The following YWHAE variants were observed in gnomAD, a reference collection of about 807,000 sequenced individuals.
YWHAE encodes the protein tyrosine 3-monooxygenase/tryptophan 5-monooxygenase activation protein epsilon.
YWHAE carries 4 observed loss-of-function variants against 30.1 expected under a neutral mutation model. The ratio of observed to expected loss-of-function variants is 0.13; its 90% CI spans 0.07 to 0.30. The LOEUF is 0.30. Ranked by LOEUF, YWHAE falls within the 10% of genes least tolerant of loss-of-function variation. YWHAE has a pLI of 1.00. For missense variants in YWHAE, 121 were observed against 315.9 expected (o/e 0.38, Z 4.68); for synonymous variants, 118 against 111.8 (o/e 1.06, Z -0.35).
At chr17:1,399,608 T>C in intron 1 of YWHAE, 1 of 204,352 alleles carries the variant, frequency 4.9e-6, no homozygotes, top group South Asian at 7.0e-5. Flanking sequence ...GCGCTACAGC[T>C]CCCGGTCTTC....
At chr17:1,374,273 G>A (rs1037416135) in intron 1 of YWHAE, among the ~76,000 whole-genome samples, 3 of 151,410 alleles carry the variant, frequency 2.0e-5, no homozygotes, top group Non-Finnish European at 4.4e-5. Context: ...ACCCGAGATC[G>A]TGCCACTGAA....
At chr17:1,361,040 G>A (rs1448436158) in intron 4 of YWHAE, 52 bp downstream of exon 4, 2 of 1,538,758 alleles carry the variant, frequency 1.3e-6, no homozygotes, top group Non-Finnish European at 9.0e-7. Context: ...AACCCAAACA[G>A]CGCCCCCCTT....
At chr17:1,385,144 C>CA (rs56023639) in intron 1 of YWHAE, among the ~76,000 whole-genome samples, 29,461 of 86,626 alleles carry the variant, frequency 0.34, 6,438 homozygotes, top group African/African-American at 0.58. Context: ...GACTCTGTCT[C>CA]AAAAAAAAAA....
chr17:1,360,653 T>G lies in YWHAE; in HGVS notation c.578+439A>C, dbSNP rs537408777. On this transcript the variant is annotated intron_variant, in intron 4 of 5. Coordinates refer to ENST00000264335, the MANE Select transcript of YWHAE (RefSeq NM_006761.5). Reference sequence around the variant, plus strand: ...TGGTGGCAGGCCCCTGTAACTCCAGTTACTCAGGAGGCTGAGACAGGAGAA... The same window carrying G: ...TGGTGGCAGGCCCCTGTAACTCCAGGTACTCAGGAGGCTGAGACAGGAGAA... Among the ~76,000 whole-genome samples, 109 of 152,074 alleles carry G rather than the reference T, an allele frequency of 7.2e-4. 2 individuals carry two copies. The South Asian group carries it at 0.022, about 30-fold the overall frequency.
At chr17:1,369,234 G>A (rs530579988) in intron 1 of YWHAE, among the ~76,000 whole-genome samples, 11 of 152,188 alleles carry the variant, frequency 7.2e-5, no homozygotes, top group Non-Finnish European at 1.3e-4. Flanking sequence ...CGGGAGCAGG[G>A]GCTCACCCCT....
At chr17:1,376,284 TGA>T (rs879898211) in intron 1 of YWHAE, among the ~76,000 whole-genome samples, 4 of 152,082 alleles carry the variant, frequency 2.6e-5, no homozygotes, top group African/African-American at 9.7e-5. Context: ...AAAATGTGGT[TGA>T]GACCCAGGCA....
intron 1 of YWHAE, among the ~76,000 whole-genome samples, chr17:1,375,262 CA>C (rs2073105148): frequency 6.6e-6 from 1 of 152,132 alleles, no homozygotes; most frequent in Non-Finnish European, 1.5e-5. Flanking sequence ...TAATGTACCC[CA>C]AAACTATATA....
chr17:1,397,068 T>G (rs2073484314), intron 1 of YWHAE, among the ~76,000 whole-genome samples: 1 of 151,688 alleles, frequency 6.6e-6, no homozygotes, highest in Non-Finnish European at 1.5e-5. Context: ...CCCGGATAAT[T>G]TTTTTATTTT....
At chr17:1,365,820 T>C (rs889003245) in intron 1 of YWHAE, among the ~76,000 whole-genome samples, 4 of 152,190 alleles carry the variant, frequency 2.6e-5, no homozygotes, top group African/African-American at 9.6e-5. Context: ...GACTCAAGAA[T>C]CTGCATTTTA....
At chr17:1,367,644 ACT>A (rs2072965129) in intron 1 of YWHAE, among the ~76,000 whole-genome samples, 1 of 152,112 alleles carries the variant, frequency 6.6e-6, no homozygotes, top group African/African-American at 2.4e-5. Context: ...AAAGCGAGAG[ACT>A]CTGTGTCCAG....
chr17:1,349,757 C>G (rs971473036), intron 5 of YWHAE, among the ~76,000 whole-genome samples: 1 of 151,614 alleles, frequency 6.6e-6, no homozygotes, highest in Admixed American at 6.6e-5. Context: ...GGACTACAGG[C>G]GCCCACCACC....
intron 4 of YWHAE, among the ~76,000 whole-genome samples, chr17:1,355,939 C>A (rs934632310): frequency 1.3e-5 from 2 of 152,112 alleles, no homozygotes; most frequent in East Asian, 1.9e-4. Context: ...GAGGCAGAAG[C>A]GGGCGGATCA....
chr17:1,356,804 CAAA>C (rs11436001), intron 4 of YWHAE, among the ~76,000 whole-genome samples: 1 of 130,624 alleles, frequency 7.7e-6, no homozygotes. Flanking sequence ...ACTAAAAATG[CAAA>C]AAAAAAAAAA....
chr17:1,362,080 C>G (rs958505941), intron 2 of YWHAE, 72 bp from the exon 3 acceptor site: 25 of 941,104 alleles, frequency 2.7e-5, no homozygotes, highest in Non-Finnish European at 3.8e-5. Flanking sequence ...TATTCTATCT[C>G]TGGTTTTGAG....
At chr17:1,389,148 T>TAGAAACAGGAAA (rs1377776407) in intron 1 of YWHAE, among the ~76,000 whole-genome samples, 1 of 152,138 alleles carries the variant, frequency 6.6e-6, no homozygotes, top group Non-Finnish European at 1.5e-5. Flanking sequence ...TTTCTTTTTG[T>TAGAAACAGGAAA]AGAAACAGGG....
At chr17:1,398,294 T>A (rs1160141875) in intron 1 of YWHAE, among the ~76,000 whole-genome samples, 2 of 150,758 alleles carry the variant, frequency 1.3e-5, no homozygotes, top group Non-Finnish European at 2.9e-5. Flanking sequence ...AACACTGAAA[T>A]AAAGACAAAG....
At chr17:1,378,133 A>T (rs1456044175) in intron 1 of YWHAE, among the ~76,000 whole-genome samples, 1 of 152,250 alleles carries the variant, frequency 6.6e-6, no homozygotes, top group Non-Finnish European at 1.5e-5. Flanking sequence ...GGTGCTACTT[A>T]CTAAGAAATT....
At position 1,346,954 on chromosome 17, in the gene YWHAE, A is replaced by G. The variant is rs544743071; in HGVS notation, c.716-1455T>C. 5.3e-4 allele frequency among the ~76,000 whole-genome samples: 79 copies of G among 149,640 alleles called. No homozygotes were observed. In the East Asian group the frequency reaches 6.7e-3, roughly 13 times the overall value. On this transcript the variant is annotated intron_variant, in intron 5 of 5. Transcript: ENST00000264335. Reference sequence around the variant, plus strand: ...TGCAGCGAGCCAAGAACATGCCACTACACTCCAGCCTGGGTAACAGAGTGA... The same window carrying G: ...TGCAGCGAGCCAAGAACATGCCACTGCACTCCAGCCTGGGTAACAGAGTGA...
At chr17:1,354,159 A>G in intron 5 of YWHAE, 52 bp downstream of exon 5, 1 of 1,596,388 alleles carries the variant, frequency 6.3e-7, no homozygotes, top group Non-Finnish European at 8.5e-7. Flanking sequence ...AAGAGAGTAC[A>G]AACAAATCCT....
Sources: gnomAD v4.1 joint callset for allele counts (sites outside exome capture counted in the v4.1 genomes callset) on GRCh38, gnomAD v4.1.1 for gene constraint, MANE v1.5 for transcripts, NCBI Gene and HGNC (gene_info 2026-07-23, HGNC 2026-07-21) for gene names.